The following TNFSF4 variants were observed in gnomAD, a reference collection of about 807,000 sequenced individuals.
TNFSF4 encodes tumor necrosis factor ligand superfamily member 4.
In TNFSF4, 4 loss-of-function variants were observed where a neutral mutation model predicts 7.3. That is an observed-to-expected ratio of 0.55 (90% confidence interval 0.27 to 1.25). The LOEUF (loss-of-function observed/expected upper bound fraction) is 1.25, where lower values mean the gene tolerates loss of function less well. Among genes scored for constraint, TNFSF4 ranks in the 50% most tolerant of loss-of-function variants. The pLI is 0.12. For synonymous variants in TNFSF4, 76 were observed against 83.7 expected, an observed-to-expected ratio of 0.91 and a Z score of 0.50; for missense variants, 181 against 208.8, an observed-to-expected ratio of 0.87 and a Z score of 0.82.
At chr1:173,191,342 G>T (rs1649467848) in intron 1 of TNFSF4, among the ~76,000 whole-genome samples, 2 of 152,156 alleles carry the variant, frequency 1.3e-5, no homozygotes, top group Admixed American at 1.3e-4. Context: ...AGGTCACATA[G>T]GGGTAGAAGT....
At chr1:173,229,118 C>A in the TNFSF4 span, among the ~76,000 whole-genome samples, 1 of 152,144 alleles carries the variant, frequency 6.6e-6, no homozygotes, top group Non-Finnish European at 1.5e-5. Context: ...AACCCTAAGA[C>A]ACATAATTGT....
chr1:173,408,949 A>T, the TNFSF4 span, among the ~76,000 whole-genome samples: 28 of 152,160 alleles, frequency 1.8e-4, no homozygotes, highest in South Asian at 6.2e-4. Context: ...AAATTTTTTT[A>T]AAAAATAATA....
chr1:173,179,949 A>C (rs1454442718), downstream of TNFSF4, among the ~76,000 whole-genome samples: 1 of 152,226 alleles, frequency 6.6e-6, no homozygotes, highest in East Asian at 1.9e-4. Flanking sequence ...AACAGTTCAC[A>C]GAGCTGGTTT....
At chr1:173,330,618 T>C in the TNFSF4 span, among the ~76,000 whole-genome samples, 1 of 152,072 alleles carries the variant, frequency 6.6e-6, no homozygotes, top group Non-Finnish European at 1.5e-5. Context: ...TGAAATACAG[T>C]AGAGCACAAA....
the TNFSF4 span, among the ~76,000 whole-genome samples, chr1:173,351,114 T>C: frequency 6.6e-6 from 1 of 152,246 alleles, no homozygotes; most frequent in African/African-American, 2.4e-5. Flanking sequence ...CCTTATATTA[T>C]CTGGACCTGC....
the TNFSF4 span, among the ~76,000 whole-genome samples, chr1:173,279,944 T>C: frequency 1.3e-5 from 2 of 152,166 alleles, no homozygotes; most frequent in Non-Finnish European, 2.9e-5. Context: ...TTTTCCATTG[T>C]CTGTGAGGCC....
the TNFSF4 span, among the ~76,000 whole-genome samples, chr1:173,308,181 C>A: frequency 6.6e-6 from 1 of 151,774 alleles, no homozygotes; most frequent in African/African-American, 2.4e-5. Flanking sequence ...ATAATGGTAT[C>A]TTTTGATAAA....
chr1:173,353,467 G>A, the TNFSF4 span, among the ~76,000 whole-genome samples: 4 of 152,216 alleles, frequency 2.6e-5, no homozygotes, highest in Non-Finnish European at 5.9e-5. Flanking sequence ...CTGTGTGCGT[G>A]TGCATGTGTG....
At chr1:173,373,773 G>A in the TNFSF4 span, among the ~76,000 whole-genome samples, 303 of 152,320 alleles carry the variant, frequency 2.0e-3, 1 homozygote, top group Middle Eastern at 0.017. Flanking sequence ...ATACTTGTTG[G>A]TCTGTGCTGA....
chr1:173,356,338 G>GA, the TNFSF4 span, among the ~76,000 whole-genome samples: 1 of 152,288 alleles, frequency 6.6e-6, no homozygotes, highest in South Asian at 2.1e-4. Flanking sequence ...AGAATAAGAA[G>GA]AAAAATTGTC....
intron 1 of TNFSF4, among the ~76,000 whole-genome samples, chr1:173,189,013 C>T (rs900801808): frequency 1.4e-4 from 21 of 152,178 alleles, no homozygotes; most frequent in African/African-American, 5.1e-4. Context: ...GCATGAGTCG[C>T]CATGCCCGGC....
chr1:173,362,765 G>A, the TNFSF4 span: 1 of 402,432 alleles, frequency 2.5e-6, no homozygotes, highest in African/African-American at 2.1e-5. Context: ...CTTTGCCAAA[G>A]GAACACTAAT....
chr1:173,267,057 T>C, the TNFSF4 span, among the ~76,000 whole-genome samples: 1 of 152,200 alleles, frequency 6.6e-6, no homozygotes, highest in African/African-American at 2.4e-5. Context: ...ACTGAAAAGA[T>C]GCATAGCCAG....
At chr1:173,190,612 T>C (rs1197645125) in intron 1 of TNFSF4, among the ~76,000 whole-genome samples, 1 of 152,178 alleles carries the variant, frequency 6.6e-6, no homozygotes, top group Non-Finnish European at 1.5e-5. Flanking sequence ...CTCTTCGTGG[T>C]GTGATAGCTA....
chr1:173,435,734 T>G, the TNFSF4 span, among the ~76,000 whole-genome samples: 18 of 152,244 alleles, frequency 1.2e-4, no homozygotes, highest in Non-Finnish European at 2.2e-4. Context: ...AAAGTTAATC[T>G]ACCTCTGAGG....
chr1:173,179,855 C>A (rs1208967801), downstream of TNFSF4, among the ~76,000 whole-genome samples: 1 of 152,188 alleles, frequency 6.6e-6, no homozygotes, highest in African/African-American at 2.4e-5. Context: ...CATTCGCCTT[C>A]ATTTCTAAAA....
chr1:173,426,147 C>G, the TNFSF4 span, among the ~76,000 whole-genome samples: 91 of 152,304 alleles, frequency 6.0e-4, no homozygotes, highest in African/African-American at 2.1e-3. Flanking sequence ...TCAACTCTAA[C>G]GTTCCTTCCT....
chr1:173,357,782 G>A, the TNFSF4 span, among the ~76,000 whole-genome samples: 6 of 152,220 alleles, frequency 3.9e-5, no homozygotes, highest in South Asian at 2.1e-4. Flanking sequence ...TGATCTGCCC[G>A]CCTCAGCCTC....
chr1:173,317,335 G>T, the TNFSF4 span, among the ~76,000 whole-genome samples: 1 of 152,172 alleles, frequency 6.6e-6, no homozygotes, highest in African/African-American at 2.4e-5. Context: ...TACCTGCATG[G>T]TAATCTGTAT....
Sources: gnomAD v4.1 joint callset for allele counts (sites outside exome capture counted in the v4.1 genomes callset) on GRCh38, gnomAD v4.1.1 for gene constraint, MANE v1.5 for transcripts, NCBI Gene and HGNC (gene_info 2026-07-23, HGNC 2026-07-21) for gene names.